SNX24: variants seen among roughly 807,000 people sequenced by gnomAD.
SNX24 encodes the protein sorting nexin 24.
In SNX24, 22 loss-of-function variants were observed where a neutral mutation model predicts 28.7. That is an observed-to-expected ratio of 0.77 (90% CI 0.55 to 1.10). The LOEUF (loss-of-function observed/expected upper bound fraction) is 1.10. SNX24 is among the 50% of genes least tolerant of loss of function. The probability of loss-of-function intolerance (pLI) is 0.00; values close to 1 mark genes in which losing one functional copy is unlikely to be tolerated. For synonymous variants in SNX24, 69 were observed against 71.5 expected (o/e 0.96, Z 0.18); for missense variants, 221 against 201.1 (o/e 1.10, Z -0.60).
chr5:123,012,286 T>C (rs1026965768), downstream of SNX24, among the ~76,000 whole-genome samples: 2 of 152,352 alleles, frequency 1.3e-5, no homozygotes, highest in South Asian at 2.1e-4. Context: ...ATATTCATAG[T>C]AGCCAAAAGG....
In SNX24 at chr5:123,007,550, G is replaced by C. The variant is rs1762457705; in HGVS notation, c.443-132G>C. On this transcript the variant is annotated intron_variant, in intron 6 of 6. Coordinates refer to ENST00000261369, the MANE Select transcript of SNX24 (RefSeq NM_014035.4). Reference sequence around the variant, plus strand: ...ATAGCACATCCTCAACCAGGCACATGCCTGGCGATGCAGATTCCTGTGTTT... The same window carrying C: ...ATAGCACATCCTCAACCAGGCACATCCCTGGCGATGCAGATTCCTGTGTTT... 7.2e-6 allele frequency: 6 copies of C among 828,662 alleles called. No individual in the cohort carries two copies. The South Asian group carries it at 9.7e-5, about 13-fold the overall frequency. The allele number at this position is 828,662 out of a possible 1,614,324, so 51.3% of individuals were successfully genotyped here. A position where few individuals can be genotyped will look rare whatever the true frequency, so the allele number is the denominator to read the frequency against.
chr5:123,006,937 CT>C (rs1327790848), intron 6 of SNX24, among the ~76,000 whole-genome samples: 1 of 152,092 alleles, frequency 6.6e-6, no homozygotes. Context: ...ATTTAAAGTG[CT>C]TTAGGATAGT....
intron 1 of SNX24, among the ~76,000 whole-genome samples, chr5:122,924,367 C>T (rs529392182): frequency 4.7e-4 from 72 of 152,226 alleles, no homozygotes; most frequent in Non-Finnish European, 7.8e-4. Context: ...AACAGTCGAT[C>T]TGATAACTGA....
chr5:122,935,568 C>G (rs919092093), intron 1 of SNX24, among the ~76,000 whole-genome samples: 2 of 152,118 alleles, frequency 1.3e-5, no homozygotes, highest in Non-Finnish European at 2.9e-5. Context: ...CTCAGTCATG[C>G]AGCAGAAGAT....
At chr5:122,857,163 C>T (rs557467138) in intron 1 of SNX24, among the ~76,000 whole-genome samples, 2 of 152,102 alleles carry the variant, frequency 1.3e-5, no homozygotes, top group East Asian at 3.9e-4. Context: ...AGGTGCACAC[C>T]ACCACGCCCG....
chr5:123,014,852 G>T (rs1367588377), intron 5 of SNX24, among the ~76,000 whole-genome samples: 6 of 152,086 alleles, frequency 3.9e-5, no homozygotes, highest in Non-Finnish European at 8.8e-5. Flanking sequence ...TGCCAACCTT[G>T]GTCTCTCCAC....
At chr5:122,945,564 G>GT (rs971754134) in intron 2 of SNX24, among the ~76,000 whole-genome samples, 2 of 152,170 alleles carry the variant, frequency 1.3e-5, no homozygotes. Context: ...AGGCCTTTAT[G>GT]TTTTTAAGTT....
intron 3 of SNX24, among the ~76,000 whole-genome samples, chr5:122,966,907 A>C (rs1166165771): frequency 6.6e-6 from 1 of 152,098 alleles, no homozygotes; most frequent in African/African-American, 2.4e-5. Flanking sequence ...TTTTTTCCTC[A>C]TTTTCCTCAA....
intron 1 of SNX24, chr5:122,853,806 C>T (rs955984436): frequency 4.0e-6 from 1 of 251,652 alleles, no homozygotes; most frequent in East Asian, 1.0e-4. Flanking sequence ...TGAAAATAAA[C>T]CAAATAAGTT....
intron 1 of SNX24, among the ~76,000 whole-genome samples, chr5:122,865,660 A>G (rs1020951195): frequency 5.3e-5 from 8 of 152,312 alleles, no homozygotes; most frequent in African/African-American, 1.9e-4. Context: ...TTTTAATTCA[A>G]TAGGCAAAAT....
intron 6 of SNX24, among the ~76,000 whole-genome samples, chr5:123,007,402 C>CTGAG (rs1389264093): frequency 6.6e-6 from 1 of 152,164 alleles, no homozygotes; most frequent in Non-Finnish European, 1.5e-5. Flanking sequence ...AGATAAAGAG[C>CTGAG]TGAGGCCTAG....
chr5:122,986,519 T>G (rs2150161024), intron 3 of SNX24, among the ~76,000 whole-genome samples: 1 of 151,644 alleles, frequency 6.6e-6, no homozygotes, highest in East Asian at 1.9e-4. Context: ...TCAGGGTGAG[T>G]GGTGACTGCT....
At chr5:122,900,375 T>A (rs908013795) in intron 1 of SNX24, among the ~76,000 whole-genome samples, 16 of 152,274 alleles carry the variant, frequency 1.1e-4, no homozygotes, top group African/African-American at 1.9e-4. Context: ...ACGTTTTTTT[T>A]AAAAAAATGA....
intron 1 of SNX24, among the ~76,000 whole-genome samples, chr5:122,893,320 C>T (rs1009615112): frequency 6.6e-6 from 1 of 150,906 alleles, no homozygotes; most frequent in African/African-American, 2.4e-5. Flanking sequence ...TATGTTTTGT[C>T]CAATAAGATA....
chr5:122,888,748 C>G (rs1213931474), intron 1 of SNX24, among the ~76,000 whole-genome samples: 11 of 152,118 alleles, frequency 7.2e-5, no homozygotes, highest in Admixed American at 7.2e-4. Flanking sequence ...AACACTATTC[C>G]CTAGAAATGG....
chr5:122,873,998 G>C (rs1351557526), intron 1 of SNX24, among the ~76,000 whole-genome samples: 15 of 152,104 alleles, frequency 9.9e-5, no homozygotes, highest in Admixed American at 9.8e-4. Context: ...TTGAACTCCT[G>C]ACCTCATGTG....
At chr5:122,992,044 T>G (rs973683129) in intron 3 of SNX24, among the ~76,000 whole-genome samples, 1 of 152,198 alleles carries the variant, frequency 6.6e-6, no homozygotes, top group Non-Finnish European at 1.5e-5. Flanking sequence ...CATAGTGCTA[T>G]TATGCATGCA....
rs770363735 is a variant in SNX24, at chr5:123,028,830, G to A, written n.384-408G>A. 5 of 1,613,594 alleles carry A rather than the reference G, an allele frequency of 3.1e-6. No individual in the cohort carries two copies. The South Asian group carries it at 5.5e-5, about 18-fold the overall frequency. ...CTCCTTGAATCATGAAATCCTTGAT[G>A]ACACGATGAAACTTGCTTCCTTTAT... On this transcript the variant is annotated intron_variant and non_coding_transcript_variant, in intron 5 of 5. Transcript: ENST00000502387.
intron 1 of SNX24, among the ~76,000 whole-genome samples, chr5:122,910,776 T>C (rs563916044): frequency 6.6e-6 from 1 of 152,124 alleles, no homozygotes; most frequent in Admixed American, 6.5e-5. Context: ...ATTTCATCCA[T>C]GTCCCTACAA....
Sources: gnomAD v4.1 joint callset for allele counts (sites outside exome capture counted in the v4.1 genomes callset) on GRCh38, gnomAD v4.1.1 for gene constraint, MANE v1.5 for transcripts, NCBI Gene and HGNC (gene_info 2026-07-23, HGNC 2026-07-21) for gene names.